Variants in DNA2 observed in about 807,000 individuals in gnomAD.
The protein encoded by DNA2 is DNA replication ATP-dependent helicase/nuclease DNA2.
A neutral mutation model predicts 119.1 loss-of-function variants in DNA2; 101 were observed. The ratio of observed to expected loss-of-function variants is 0.85; its 90% CI spans 0.72 to 1.00. DNA2 has a LOEUF of 1.00. Ranked by LOEUF, DNA2 falls within the 50% of genes least tolerant of loss-of-function variation. The probability of loss-of-function intolerance (pLI) is 0.00; values close to 1 mark genes in which losing one functional copy is unlikely to be tolerated. For missense variants in DNA2, 1,121 were observed against 1,255.5 expected, an observed-to-expected ratio of 0.89 and a Z score of 1.62; for synonymous variants, 366 against 424.4, an observed-to-expected ratio of 0.86 and a Z score of 1.69.
intron 5 of DNA2, among the ~76,000 whole-genome samples, 190 bp from the exon 6 acceptor site, chr10:68,450,437 AG>A (rs1264393058): frequency 6.6e-6 from 1 of 152,164 alleles, no homozygotes; most frequent in African/African-American, 2.4e-5. Context: ...TTGCTATAAA[AG>A]TAAATCCTCA....
chr10:68,439,320 G>A (rs4259736), intron 9 of DNA2, among the ~76,000 whole-genome samples: 5,204 of 151,914 alleles, frequency 0.034, 261 homozygotes, highest in African/African-American at 0.12. Context: ...CTTGAACCTC[G>A]GAGGCGGAGG....
chr10:68,427,548 C>A (rs763344823), intron 14 of DNA2, among the ~76,000 whole-genome samples: 8 of 151,546 alleles, frequency 5.3e-5, no homozygotes, highest in Non-Finnish European at 1.0e-4. Context: ...ACTCAGGAGG[C>A]TGAGGCAGAA....
At chr10:68,415,615 G>A (rs116134569) in intron 20 of DNA2, among the ~76,000 whole-genome samples, 2,989 of 151,918 alleles carry the variant, frequency 0.02, 105 homozygotes, top group African/African-American at 0.069. Context: ...ACCTTCATAA[G>A]AAGTATGAAG....
chr10:68,450,080 G>A lies in DNA2; in HGVS notation c.887C>T (p.Pro296Leu), dbSNP rs760783381. 5 of 1,602,138 alleles carry A rather than the reference G, an allele frequency of 3.1e-6. No individual in the cohort carries two copies. Among genetic ancestry groups the A allele is most frequent in the East Asian group, 2.2e-5 (1 of 44,698 alleles). ...RGYKTKYKIM[P>L]LELKTGKESN... ...TTCTTTGCCAGTTTTAAGTTCCAGC[G>A]GCATTATCTTGTATTTTGTTTTATA... Residue 296 changes from proline (P) to leucine (L), a missense_variant, in exon 6 of 21, where the codon CCG becomes CTG. Transcript: ENST00000358410.
chr10:68,447,031 A>C (rs896531268), intron 6 of DNA2, among the ~76,000 whole-genome samples: 1 of 152,182 alleles, frequency 6.6e-6, no homozygotes, highest in African/African-American at 2.4e-5. Flanking sequence ...CAAATAATAA[A>C]TGTTTGAGGG....
At chr10:68,441,353 AAAG>A (rs1468221291) in intron 9 of DNA2, among the ~76,000 whole-genome samples, 4 of 151,528 alleles carry the variant, frequency 2.6e-5, no homozygotes, top group African/African-American at 9.7e-5. Context: ...AAAAAAAAAA[AAAG>A]AAAAATTCTA....
Position 68,446,304 on chromosome 10 carries a change from T to A in DNA2, c.1049A>T (p.Asp350Val). 9 of 1,574,074 alleles carry A rather than the reference T, an allele frequency of 5.7e-6. No homozygotes were observed. Among genetic ancestry groups the A allele is most frequent in the Non-Finnish European group, 7.8e-6 (9 of 1,159,468 alleles). Residue 350 changes from aspartate (D) to valine (V), a missense_variant, in exon 7 of 21, where the codon GAT becomes GTT. By Grantham distance (152) the Asp-to-Val change is radical. Transcript: ENST00000358410. The stretch of plus-strand genomic sequence containing the variant: ...AAAAAAAACGGCTCAACCTCTTTTA[T>A]CTAGATGGTTGGCAGGCACAGGGTA... ...QMYPVPANHL[D>V]KRELLKLRNQ...
At position 68,470,037 on chromosome 10, in the gene DNA2, G is replaced by T; in HGVS notation, c.201C>A (p.Val67=). Residue 67 remains valine (V), a synonymous_variant, in exon 2 of 21, where the codon GTC becomes GTA. Transcript: ENST00000358410. The part of the protein sequence containing the change: ...NKEGNCEKRL[V]ITASQSLENK... The stretch of plus-strand genomic sequence containing the variant: ...TTTCTAGTGACTGTGAAGCAGTGAT[G>T]ACCAGGCGCTTTTCACAGTTTCCCT... The T allele has an allele frequency of 6.2e-7, 1 of 1,613,630 alleles. No homozygotes were observed. Among genetic ancestry groups the T allele is most frequent in the South Asian group, 1.1e-5 (1 of 90,982 alleles).
chr10:68,441,556 T>C (rs2051968998), intron 9 of DNA2, among the ~76,000 whole-genome samples: 1 of 151,726 alleles, frequency 6.6e-6, no homozygotes, highest in Non-Finnish European at 1.5e-5. Context: ...GGTGGGTGGA[T>C]CACTAAGTCA....
In DNA2 at chr10:68,470,039, C is replaced by T. The variant is rs180752832; in HGVS notation, c.199G>A (p.Val67Ile). 1.2e-6 allele frequency: 2 copies of T among 1,613,568 alleles called. No individual in the cohort carries two copies. Among genetic ancestry groups the T allele is most frequent in the East Asian group, 2.2e-5 (1 of 44,866 alleles). ...NKEGNCEKRL[V>I]ITASQSLENK... ...TCTAGTGACTGTGAAGCAGTGATGA[C>T]CAGGCGCTTTTCACAGTTTCCCTCT... Residue 67 changes from valine to isoleucine, a missense_variant, in exon 2 of 21, where the codon GTC (valine) becomes ATC (isoleucine). Val to Ile is a conservative substitution (Grantham distance 29, BLOSUM62 3). Coordinates refer to ENST00000358410, the MANE Select transcript of DNA2 (RefSeq NM_001080449.3).
chr10:68,425,183 C>A (rs942392267), intron 14 of DNA2, among the ~76,000 whole-genome samples: 1 of 149,398 alleles, frequency 6.7e-6, no homozygotes, highest in African/African-American at 2.5e-5. Flanking sequence ...CAACCTCCGC[C>A]TCCCAGGTTC....
chr10:68,450,288 T>C (rs1434575245), intron 5 of DNA2, 41 bp from the exon 6 acceptor site: 13 of 1,433,706 alleles, frequency 9.1e-6, no homozygotes, highest in Non-Finnish European at 1.2e-5. Context: ...ATTAGAACTC[T>C]TAGCTCATTT....
Position 68,444,772 on chromosome 10 carries a change from T to A in DNA2, c.1220+149A>T, listed in dbSNP as rs981817741. ...GAAAGTACTGTGGTTTTTTTTCTATTATCTTAATTTTAGAAATAATACGAA... is the reference window on the plus strand; with the variant it reads ...GAAAGTACTGTGGTTTTTTTTCTATAATCTTAATTTTAGAAATAATACGAA... On this transcript the variant is annotated intron_variant, in intron 8 of 20. Coordinates refer to ENST00000358410, the MANE Select transcript of DNA2 (RefSeq NM_001080449.3). The A allele has an allele frequency of 1.4e-5, 8 of 571,208 alleles. No individual in the cohort carries two copies. In the African/African-American group the frequency reaches 1.6e-4, roughly 11 times the overall value. 35.4% of individuals were successfully genotyped at this position (571,208 alleles called of 1,614,324 possible). A position where few individuals can be genotyped will look rare whatever the true frequency, so the allele number is the denominator to read the frequency against.
At chr10:68,452,421 C>A (rs1020519434) in intron 5 of DNA2, among the ~76,000 whole-genome samples, 1 of 151,988 alleles carries the variant, frequency 6.6e-6, no homozygotes, top group Non-Finnish European at 1.5e-5. Flanking sequence ...TACTTGTTCA[C>A]GGTGTGTATT....
chr10:68,460,690 G>A (rs576850134), intron 4 of DNA2, among the ~76,000 whole-genome samples: 21 of 152,204 alleles, frequency 1.4e-4, no homozygotes, highest in Admixed American at 8.5e-4. Context: ...TTACAGGGGT[G>A]AGCCATTGCA....
chr10:68,424,705 T>A, intron 14 of DNA2: 2 of 1,604,838 alleles, frequency 1.2e-6, no homozygotes, highest in Non-Finnish European at 1.7e-6. Flanking sequence ...TCCACACCCA[T>A]CCGCAAGGAC....
Position 68,450,032 on chromosome 10 carries a change from C to T in DNA2, c.935G>A (p.Ser312Asn). Residue 312 changes from serine (S) to asparagine (N), a missense_variant, in exon 6 of 21, where the codon AGT becomes AAT. Coordinates refer to ENST00000358410, the MANE Select transcript of DNA2 (RefSeq NM_001080449.3). Reference protein sequence around the residue: ...GKESNSIEHRSQVVLYTLLSQ... With the variant: ...GKESNSIEHRNQVVLYTLLSQ... The stretch of plus-strand genomic sequence containing the variant: ...TTTTCTTATTAACATTTATACCTGA[C>T]TACGGTGTTCAATAGAATTTGATTC... The T allele has an allele frequency of 6.5e-7, 1 of 1,540,968 alleles. No individual in the cohort carries two copies. The highest frequency in any genetic ancestry group is 8.9e-7 in the Non-Finnish European group (1 of 1,128,048).
intron 8 of DNA2, among the ~76,000 whole-genome samples, chr10:68,443,752 C>A (rs1257377784): frequency 6.6e-6 from 1 of 152,038 alleles, no homozygotes; most frequent in Non-Finnish European, 1.5e-5. Context: ...AGTTCGAGAC[C>A]AGCCTGGGCA....
chr10:68,440,287 T>C (rs1296729007), intron 9 of DNA2, among the ~76,000 whole-genome samples: 1 of 151,682 alleles, frequency 6.6e-6, no homozygotes, highest in Non-Finnish European at 1.5e-5. Context: ...AGTAAGACTT[T>C]TTTATTTTTT....
Sources: allele counts gnomAD v4.1 joint callset (sites outside exome capture counted in the v4.1 genomes callset), GRCh38; gene constraint gnomAD v4.1.1; transcripts MANE v1.5; gene names NCBI Gene and HGNC (gene_info 2026-07-23, HGNC 2026-07-21).